Variants in SCAND3 observed in about 807,000 individuals in gnomAD.
SCAND3 encodes the protein SCAN domain containing 3, also known as SCAN domain-containing protein 3.
chr6:28,583,419 C>A, the SCAND3 span, among the ~76,000 whole-genome samples: 1 of 151,836 alleles, frequency 6.6e-6, no homozygotes, highest in South Asian at 2.1e-4. Context: ...AACAACAATT[C>A]AAAGGTGGAA....
chr6:28,587,796 T>C, the SCAND3 span: 1 of 151,796 alleles, frequency 6.6e-6, no homozygotes, highest in Non-Finnish European at 1.5e-5. Flanking sequence ...AGAATGAGCC[T>C]CAGTTGTTTA....
the SCAND3 span, among the ~76,000 whole-genome samples, chr6:28,598,876 C>CAAAAAAA: frequency 5.0e-4 from 37 of 73,350 alleles, no homozygotes; most frequent in Middle Eastern, 8.2e-3. Flanking sequence ...GACTATGTCT[C>CAAAAAAA]AAAAAAAAAA....
chr6:28,572,995 C>T, the SCAND3 span: 2 of 1,613,628 alleles, frequency 1.2e-6, no homozygotes, highest in Non-Finnish European at 1.7e-6. This position sits in a 1 kb window ranked among gnomAD's most constrained non-coding sequence, Gnocchi z 4.1. Flanking sequence ...TACTCCTACA[C>T]AAAATTTAAA....
chr6:28,606,638 T>C, the SCAND3 span, among the ~76,000 whole-genome samples: 135,042 of 152,148 alleles, frequency 0.89, 60,153 homozygotes, highest in South Asian at 0.94. Flanking sequence ...CTCACCCGGG[T>C]CCAGATTTCC....
At chr6:28,602,518 T>C in the SCAND3 span, among the ~76,000 whole-genome samples, 1 of 152,240 alleles carries the variant, frequency 6.6e-6, no homozygotes. Flanking sequence ...TCTTTTTGCC[T>C]AAATCTTCCT....
the SCAND3 span, chr6:28,586,270 A>G: frequency 6.4e-7 from 1 of 1,554,342 alleles, no homozygotes; most frequent in African/African-American, 1.4e-5. The surrounding 1 kb of genome is among the most constrained non-coding windows in gnomAD (Gnocchi z 4.4). Context: ...CAAATTCTCC[A>G]CAGAAGATGG....
chr6:28,611,019 A>C, the SCAND3 span, among the ~76,000 whole-genome samples: 1 of 152,232 alleles, frequency 6.6e-6, no homozygotes, highest in Non-Finnish European at 1.5e-5. Flanking sequence ...TACCATTAAA[A>C]TATTAGCAAG....
At chr6:28,599,123 T>A in the SCAND3 span, among the ~76,000 whole-genome samples, 1 of 152,028 alleles carries the variant, frequency 6.6e-6, no homozygotes, top group Admixed American at 6.6e-5. Flanking sequence ...AAGATCTATG[T>A]GAGGAAAGCT....
the SCAND3 span, chr6:28,571,922 A>C: frequency 6.2e-7 from 1 of 1,612,970 alleles, no homozygotes; most frequent in Non-Finnish European, 8.5e-7. Flanking sequence ...TAATGTGATA[A>C]GTGAGCTTGC....
the SCAND3 span, among the ~76,000 whole-genome samples, chr6:28,595,711 A>T: frequency 1.4e-5 from 2 of 146,974 alleles, no homozygotes; most frequent in Non-Finnish European, 3.0e-5. Flanking sequence ...AACAAGAGCG[A>T]AACTCCGTCT....
the SCAND3 span, chr6:28,571,115 A>G: frequency 6.6e-6 from 1 of 152,150 alleles, no homozygotes; most frequent in Non-Finnish European, 1.5e-5. Flanking sequence ...GGAGTTCAAG[A>G]TGAGCCTGGC....
the SCAND3 span, among the ~76,000 whole-genome samples, chr6:28,600,047 T>C: frequency 4.6e-5 from 7 of 151,832 alleles, no homozygotes; most frequent in African/African-American, 1.5e-4. Flanking sequence ...GCAAATAACA[T>C]AGGAGAAAAT....
the SCAND3 span, among the ~76,000 whole-genome samples, chr6:28,609,165 T>C: frequency 3.3e-5 from 5 of 152,188 alleles, no homozygotes; most frequent in Non-Finnish European, 5.9e-5. Context: ...AGCTGAAGCA[T>C]TTAGACATGA....
At chr6:28,606,249 T>C in the SCAND3 span, among the ~76,000 whole-genome samples, 1 of 152,272 alleles carries the variant, frequency 6.6e-6, no homozygotes, top group Non-Finnish European at 1.5e-5. Flanking sequence ...GGTATTTTTG[T>C]ATTATTTTTA....
At chr6:28,587,337 C>T in the SCAND3 span, 1 of 152,540 alleles carries the variant, frequency 6.6e-6, no homozygotes, top group African/African-American at 2.4e-5. Flanking sequence ...GCCACGCTCA[C>T]TTCCGGTCCG....
chr6:28,608,075 A>G, the SCAND3 span, among the ~76,000 whole-genome samples: 1 of 152,192 alleles, frequency 6.6e-6, no homozygotes, highest in Non-Finnish European at 1.5e-5. Flanking sequence ...ACTGCGTTCA[A>G]GGAGAAAGAC....
At chr6:28,573,869 C>T in the SCAND3 span, 1 of 1,486,976 alleles carries the variant, frequency 6.7e-7, no homozygotes, top group South Asian at 1.4e-5. Context: ...ATTTTACTTT[C>T]CTCCTTCAGC....
chr6:28,586,392 T>G, the SCAND3 span: 2 of 1,614,094 alleles, frequency 1.2e-6, no homozygotes, highest in Admixed American at 1.7e-5. The surrounding 1 kb of genome is among the most constrained non-coding windows in gnomAD (Gnocchi z 4.4). Context: ...CACCCAAGAC[T>G]GGAGCTCCTC....
the SCAND3 span, among the ~76,000 whole-genome samples, chr6:28,598,902 GA>G: frequency 9.5e-4 from 132 of 138,840 alleles, 1 homozygote; most frequent in African/African-American, 2.7e-3. Flanking sequence ...AAAGAAAAAA[GA>G]AAAAAAGTAA....
Sources: gnomAD v4.1 joint callset for allele counts (sites outside exome capture counted in the v4.1 genomes callset) on GRCh38, gnomAD v4.1.1 for gene constraint, Gnocchi (gnomAD v3.1) non-coding constraint, MANE v1.5 for transcripts, NCBI Gene and HGNC (gene_info 2026-07-23, HGNC 2026-07-21) for gene names.